The following UNC80 variants were observed in gnomAD, a reference collection of about 807,000 sequenced individuals.
The protein encoded by UNC80 is protein unc-80 homolog.
UNC80 carries 164 observed loss-of-function variants against 384.6 expected under a neutral mutation model. The observed-to-expected ratio is 0.43, with a 90% confidence interval of 0.38 to 0.49. The LOEUF is 0.49. Ranked by LOEUF, UNC80 falls within the 20% of genes least tolerant of loss-of-function variation. UNC80 has a pLI of 0.00. For synonymous variants in UNC80, 1,486 were observed against 1,527.8 expected (o/e 0.97, Z 0.64); for missense variants, 3,330 against 4,143.0 (o/e 0.80, Z 5.39).
chr2:209,976,768 T>G lies in UNC80; in HGVS notation c.8773-145T>G. On this transcript the variant is annotated intron_variant, in intron 57 of 64. Transcript: ENST00000673920. This position sits in a 1 kb window ranked among gnomAD's most constrained non-coding sequence, Gnocchi z 4.3. ...CAGTGATTTAAAACGATGTAATTAT[T>G]AAGCACTTCCTGTGTAAAGTGCCGT... is the stretch of plus-strand genomic sequence containing the variant. The G allele has an allele frequency of 1.1e-6, 1 of 904,616 alleles. No homozygotes were observed. The highest frequency in any genetic ancestry group is 1.6e-6 in the Non-Finnish European group (1 of 621,880). The allele number at this position is 904,616 out of a possible 1,614,324, so 56.0% of individuals were successfully genotyped here. A position where few individuals can be genotyped will look rare whatever the true frequency, so the allele number is the denominator to read the frequency against.
rs757257649 is a variant in UNC80, at chr2:209,978,616, C to T, written c.9026C>T (p.Thr3009Met). The T allele has an allele frequency of 4.5e-6, 7 of 1,551,556 alleles. No individual in the cohort carries two copies. Among genetic ancestry groups the T allele is most frequent in the Middle Eastern group, 1.7e-4 (1 of 5,992 alleles). Residue 3009 changes from threonine (T) to methionine (M), a missense_variant, in exon 59 of 65, where the codon ACG (threonine) becomes ATG (methionine). This residue lies in a region of UNC80 where 216 missense variants were observed against 245.3 expected (regional missense o/e 0.88). Coordinates refer to ENST00000673920, the MANE Select transcript of UNC80 (RefSeq NM_001371986.1). ...LSLATMSRSN[T>M]GTGTVWEQDS... ...TTGGCCACCATGTCCCGCTCTAACA[C>T]GGGCACGGGCACTGTCTGGGAGCAG... is the stretch of plus-strand genomic sequence containing the variant.
chr2:209,829,625 G>C (rs961183865), intron 15 of UNC80, among the ~76,000 whole-genome samples: 8 of 152,234 alleles, frequency 5.3e-5, no homozygotes, highest in Middle Eastern at 3.4e-3. Flanking sequence ...AAAGCTTGTG[G>C]AGTTCTCACC....
intron 28 of UNC80, among the ~76,000 whole-genome samples, chr2:209,899,543 G>T (rs988252092): frequency 2.6e-5 from 4 of 152,126 alleles, no homozygotes; most frequent in African/African-American, 9.7e-5. Context: ...TTCCAGAGAG[G>T]ATTCACCCTG....
chr2:209,823,162 T>C (rs911023542), intron 13 of UNC80, among the ~76,000 whole-genome samples: 5 of 152,214 alleles, frequency 3.3e-5, no homozygotes, highest in Non-Finnish European at 2.9e-5. Context: ...CAACTTGTAC[T>C]GAGAGCTTGG....
At chr2:209,792,647 C>G (rs1048138661) in intron 6 of UNC80, among the ~76,000 whole-genome samples, 6 of 152,066 alleles carry the variant, frequency 3.9e-5, no homozygotes, top group Non-Finnish European at 1.5e-5. Context: ...GCGCCCGGTT[C>G]CATCTTAATA....
chr2:209,970,656 C>T (rs1324074992), intron 53 of UNC80, among the ~76,000 whole-genome samples, 176 bp from the exon 54 acceptor site: 1 of 152,164 alleles, frequency 6.6e-6, no homozygotes, highest in Non-Finnish European at 1.5e-5. Flanking sequence ...GTGTAATGTT[C>T]GATCTGACTC....
intron 7 of UNC80, among the ~76,000 whole-genome samples, chr2:209,810,702 G>T (rs1315155446): frequency 6.6e-6 from 1 of 152,152 alleles, no homozygotes; most frequent in Non-Finnish European, 1.5e-5. Flanking sequence ...TTTAAAGTGT[G>T]GGGCAGAGGG....
At chr2:209,805,675 G>A (rs1292042898) in intron 7 of UNC80, among the ~76,000 whole-genome samples, 7 of 152,146 alleles carry the variant, frequency 4.6e-5, no homozygotes, top group Non-Finnish European at 8.8e-5. Context: ...AAGAAAGAAA[G>A]GGAGCATCAA....
At chr2:209,934,052 T>C in intron 39 of UNC80, 47 bp downstream of exon 39, 1 of 1,462,514 alleles carries the variant, frequency 6.8e-7, no homozygotes, top group Non-Finnish European at 9.1e-7. Context: ...AAAAAAATTA[T>C]AAATAGCCCT....
At chr2:209,984,807 T>C (rs750279169) in intron 60 of UNC80, 49 bp from the exon 61 acceptor site, 93 of 1,492,910 alleles carry the variant, frequency 6.2e-5, no homozygotes, top group African/African-American at 2.0e-4. Flanking sequence ...TTTCTTTTTT[T>C]TTTTCATTTT....
chr2:209,886,134 T>C (rs1376641532), intron 25 of UNC80, among the ~76,000 whole-genome samples: 1 of 151,996 alleles, frequency 6.6e-6, no homozygotes, highest in Non-Finnish European at 1.5e-5. Context: ...TTAAAAATCT[T>C]TTAAAAAATT....
chr2:209,982,925 A>T (rs553820456), intron 60 of UNC80: 23 of 137,116 alleles, frequency 1.7e-4, no homozygotes, highest in African/African-American at 6.3e-4. Context: ...GAATATAAGT[A>T]AAAAAAAACT....
At position 209,978,436 on chromosome 2, in the gene UNC80, C is replaced by G. The variant is rs1035363454; in HGVS notation, c.8939-93C>G. 3.6e-5 allele frequency: 41 copies of G among 1,145,008 alleles called. No individual in the cohort carries two copies. In the African/African-American group the frequency reaches 3.6e-4, roughly 10 times the overall value. 70.9% of individuals were successfully genotyped at this position (1,145,008 alleles called of 1,614,324 possible). ...GTCTGGGACACATTATTTAACTAACCTTTCCTAAAAAATACAAGTGGTCAG... is the reference window on the plus strand; with the variant it reads ...GTCTGGGACACATTATTTAACTAACGTTTCCTAAAAAATACAAGTGGTCAG... On this transcript the variant is annotated intron_variant, in intron 58 of 64. Coordinates refer to ENST00000673920, the MANE Select transcript of UNC80 (RefSeq NM_001371986.1).
At chr2:209,919,007 C>T (rs1478325381) in intron 33 of UNC80, among the ~76,000 whole-genome samples, 1 of 152,044 alleles carries the variant, frequency 6.6e-6, no homozygotes, top group Non-Finnish European at 1.5e-5. Flanking sequence ...GTTAAGGACC[C>T]TGGCCCTGAA....
intron 28 of UNC80, among the ~76,000 whole-genome samples, chr2:209,903,516 T>G (rs1412290125): frequency 1.7e-5 from 1 of 58,474 alleles, no homozygotes; most frequent in African/African-American, 8.0e-5. Context: ...ATATATGTAA[T>G]ATATATACTA....
chr2:209,992,313 GC>G, intron 62 of UNC80, 66 bp downstream of exon 62: 4 of 1,420,074 alleles, frequency 2.8e-6, no homozygotes, highest in Non-Finnish European at 1.9e-6. Context: ...GATTTTTAAT[GC>G]CCATGTATAT....
At chr2:209,956,694 C>G (rs1270284456) in intron 48 of UNC80, among the ~76,000 whole-genome samples, 1 of 152,104 alleles carries the variant, frequency 6.6e-6, no homozygotes, top group Non-Finnish European at 1.5e-5. Context: ...CCTTATGCTT[C>G]AAATCTCTCT....
chr2:209,987,527 A>T (rs983067590), intron 61 of UNC80, among the ~76,000 whole-genome samples: 2 of 152,192 alleles, frequency 1.3e-5, no homozygotes, highest in African/African-American at 4.8e-5. Flanking sequence ...ACGCACACAT[A>T]TCCATGGACA....
intron 25 of UNC80, among the ~76,000 whole-genome samples, chr2:209,887,439 A>T (rs985637646): frequency 6.6e-6 from 1 of 152,088 alleles, no homozygotes; most frequent in Non-Finnish European, 1.5e-5. Flanking sequence ...ACTTTTAAGG[A>T]TTTGTGATTG....
Sources: allele counts gnomAD v4.1 joint callset (sites outside exome capture counted in the v4.1 genomes callset), GRCh38; gene constraint gnomAD v4.1.1; regional missense constraint gnomAD v4.1.1; non-coding constraint Gnocchi (gnomAD v3.1); transcripts MANE v1.5; gene names NCBI Gene and HGNC (gene_info 2026-07-23, HGNC 2026-07-21).